The following TENM4 variants were observed in gnomAD, a reference collection of about 807,000 sequenced individuals.
TENM4 encodes the protein teneurin transmembrane protein 4, also known as teneurin-4.
Under a neutral mutation model 243.3 loss-of-function variants are expected in TENM4, and 82 were observed. The observed-to-expected ratio is 0.34, with a 90% confidence interval of 0.28 to 0.40. The LOEUF (loss-of-function observed/expected upper bound fraction) is 0.40, where lower values mean the gene tolerates loss of function less well. Ranked by LOEUF, TENM4 falls within the 10% of genes least tolerant of loss-of-function variation. The pLI, the probability that TENM4 is intolerant of heterozygous loss-of-function variation, is 1.00. For missense variants in TENM4, 3,138 were observed against 3,673.3 expected, an observed-to-expected ratio of 0.85 and a Z score of 3.77; for synonymous variants, 1,412 against 1,456.3, an observed-to-expected ratio of 0.97 and a Z score of 0.69.
In TENM4 at chr11:78,805,376, G is replaced by C; in HGVS notation, c.2095C>G (p.Gln699Glu). Residue 699 changes from glutamine to glutamate, a missense_variant, in exon 15 of 34, where the codon CAG (glutamine) becomes GAG (glutamate). Physicochemically the swap from Gln to Glu is conservative, Grantham distance 29. This residue lies in a region of TENM4 where 2,467 missense variants were observed against 3,059.1 expected (regional missense o/e 0.81). Coordinates refer to ENST00000278550, the MANE Select transcript of TENM4 (RefSeq NM_001098816.3). Reference sequence around the variant, plus strand: ...AGGAAGGTTCCGTGGCCTGAACACTGGTCTAAGCATGTGGCCCTGGGGGTC... The same window carrying C: ...AGGAAGGTTCCGTGGCCTGAACACTCGTCTAAGCATGTGGCCCTGGGGGTC... ...CETPRATCLD[Q>E]CSGHGTFLPD... 6.5e-7 allele frequency: 1 copy of C among 1,541,336 alleles called. No homozygotes were observed. The highest frequency in any genetic ancestry group is 8.7e-7 in the Non-Finnish European group (1 of 1,148,912).
chr11:79,038,330 T>G (rs569699871), intron 6 of TENM4, among the ~76,000 whole-genome samples: 1 of 152,324 alleles, frequency 6.6e-6, no homozygotes, highest in Non-Finnish European at 1.5e-5. Context: ...ACATCTGAAA[T>G]TCTAACTCAT....
chr11:78,885,299 C>G (rs2136282197), intron 9 of TENM4, among the ~76,000 whole-genome samples: 1 of 152,324 alleles, frequency 6.6e-6, no homozygotes, highest in East Asian at 1.9e-4. Flanking sequence ...CTAGGAAGAA[C>G]TGGTGAATAA....
At chr11:78,729,166 A>G (rs1855592193) in intron 22 of TENM4, among the ~76,000 whole-genome samples, 1 of 152,114 alleles carries the variant, frequency 6.6e-6, no homozygotes, top group Non-Finnish European at 1.5e-5. Flanking sequence ...TTGGTTCTGT[A>G]GCCTCATTGT....
intron 20 of TENM4, among the ~76,000 whole-genome samples, chr11:78,734,953 G>A (rs1855754288): frequency 6.6e-6 from 1 of 152,164 alleles, no homozygotes. Flanking sequence ...TAAATCTAAG[G>A]TTCATCTGGG....
chr11:78,866,690 C>A (rs972898888), intron 9 of TENM4, among the ~76,000 whole-genome samples: 9 of 152,168 alleles, frequency 5.9e-5, no homozygotes, highest in African/African-American at 2.2e-4. Context: ...GTGAGGCTGG[C>A]CAATAGTCTC....
At chr11:79,400,132 CA>C (rs1858430110) in intron 1 of TENM4, among the ~76,000 whole-genome samples, 2 of 151,578 alleles carry the variant, frequency 1.3e-5, no homozygotes, top group African/African-American at 4.8e-5. Flanking sequence ...CACACACACA[CA>C]CACACACACA....
At chr11:79,137,634 T>G (rs1412390714) in intron 4 of TENM4, among the ~76,000 whole-genome samples, 4 of 152,212 alleles carry the variant, frequency 2.6e-5, no homozygotes, top group Non-Finnish European at 4.4e-5. Context: ...TTCCTCTTTC[T>G]TTTGTTAAAA....
chr11:79,012,256 G>A (rs908454266), intron 6 of TENM4, among the ~76,000 whole-genome samples: 1 of 152,198 alleles, frequency 6.6e-6, no homozygotes, highest in African/African-American at 2.4e-5. Flanking sequence ...GCTTTTCCCC[G>A]ACGGCCTCAT....
chr11:78,837,592 C>T (rs1013161162), intron 12 of TENM4, among the ~76,000 whole-genome samples: 4 of 152,056 alleles, frequency 2.6e-5, no homozygotes, highest in Non-Finnish European at 2.9e-5. Flanking sequence ...GCCTTGGCTT[C>T]CAGGGAAGGA....
chr11:78,835,931 A>G (rs1591059844), intron 12 of TENM4, among the ~76,000 whole-genome samples: 1 of 152,354 alleles, frequency 6.6e-6, no homozygotes, highest in East Asian at 1.9e-4. Flanking sequence ...AGTGCAAGGC[A>G]TATAGAAGGT....
At chr11:79,007,307 G>A (rs567038148) in intron 6 of TENM4, among the ~76,000 whole-genome samples, 327 of 152,234 alleles carry the variant, frequency 2.1e-3, no homozygotes, top group Non-Finnish European at 3.3e-3. Flanking sequence ...GGGCTGGAGC[G>A]GGGAGCAGTA....
chr11:79,247,036 G>T (rs1349562284), intron 2 of TENM4, among the ~76,000 whole-genome samples: 4 of 147,404 alleles, frequency 2.7e-5, no homozygotes, highest in East Asian at 3.9e-4. Flanking sequence ...AAATGATAAG[G>T]CTTCTCTTCT....
intron 16 of TENM4, among the ~76,000 whole-genome samples, chr11:78,784,069 C>G (rs1856888328): frequency 6.6e-6 from 1 of 152,150 alleles, no homozygotes; most frequent in African/African-American, 2.4e-5. Flanking sequence ...GTCATGGATA[C>G]CAGCTCTTTC....
intron 6 of TENM4, among the ~76,000 whole-genome samples, chr11:79,026,927 CAG>C (rs373300937): frequency 1.3e-5 from 2 of 151,024 alleles, no homozygotes; most frequent in Non-Finnish European, 3.0e-5. Flanking sequence ...TAGATTCTAA[CAG>C]AGAGAGAGAG....
intron 6 of TENM4, among the ~76,000 whole-genome samples, chr11:79,036,570 G>C (rs1227306729): frequency 6.6e-6 from 1 of 152,172 alleles, no homozygotes; most frequent in Non-Finnish European, 1.5e-5. Context: ...AGTAGTGAGG[G>C]GCTTTAGCCC....
chr11:79,250,647 G>A (rs1220136225), intron 2 of TENM4, among the ~76,000 whole-genome samples: 1 of 152,182 alleles, frequency 6.6e-6, no homozygotes, highest in Non-Finnish European at 1.5e-5. Context: ...AGCAAATATT[G>A]CCTTCTATTA....
chr11:78,914,985 C>A (rs1027537544), intron 6 of TENM4, among the ~76,000 whole-genome samples: 9 of 152,200 alleles, frequency 5.9e-5, no homozygotes, highest in African/African-American at 2.2e-4. Flanking sequence ...TGTTGCTTCC[C>A]TGATTGAAAG....
At position 78,737,238 on chromosome 11, in the gene TENM4, G is replaced by A. The variant is rs547159914; in HGVS notation, c.2876+1213C>T. On this transcript the variant is annotated intron_variant, in intron 20 of 33. Coordinates refer to ENST00000278550, the MANE Select transcript of TENM4 (RefSeq NM_001098816.3). Reference sequence around the variant, plus strand: ...CAGGCAGCATCCTTCATGCTGTAGTGGGAGTCTTCATGAGGGCCTTCCTGG... The same window carrying A: ...CAGGCAGCATCCTTCATGCTGTAGTAGGAGTCTTCATGAGGGCCTTCCTGG... Among the ~76,000 whole-genome samples, 115 of 152,356 alleles carry A rather than the reference G, an allele frequency of 7.5e-4. 5 individuals are homozygous for A. The South Asian group carries it at 0.024, about 31-fold the overall frequency.
chr11:79,122,960 G>A (rs557113199), intron 4 of TENM4, among the ~76,000 whole-genome samples: 1 of 152,304 alleles, frequency 6.6e-6, no homozygotes, highest in East Asian at 1.9e-4. Flanking sequence ...CCAATAACCG[G>A]GAAGGGAACC....
Sources: gnomAD v4.1 joint callset for allele counts (sites outside exome capture counted in the v4.1 genomes callset) on GRCh38, gnomAD v4.1.1 for gene constraint, gnomAD v4.1.1 regional missense constraint, MANE v1.5 for transcripts, NCBI Gene and HGNC (gene_info 2026-07-23, HGNC 2026-07-21) for gene names.